Variants in SPAG8 observed in about 807,000 individuals in gnomAD.
SPAG8 encodes the protein sperm associated antigen 8.
In SPAG8, 36 loss-of-function variants were observed where a neutral mutation model predicts 45.3. The observed-to-expected ratio is 0.80, with a 90% CI of 0.61 to 1.05. The LOEUF (loss-of-function observed/expected upper bound fraction) is 1.05, where lower values mean the gene tolerates loss of function less well. Among genes scored for constraint, SPAG8 ranks in the 50% least tolerant of loss-of-function variants. The pLI is 0.00. For missense variants in SPAG8, 573 were observed against 609.2 expected (o/e 0.94, Z 0.63); for synonymous variants, 227 against 232.6 (o/e 0.98, Z 0.22).
In SPAG8 at chr9:35,810,792, A is replaced by G. The variant is rs1828748215; in HGVS notation, c.1039+91T>C. ...ACCTTGGGGTTCCGCCCTTATATCC[A>G]CTGGAGAATCCACAGCCCCACCAGA... On this transcript the variant is annotated intron_variant, in intron 3 of 6. Coordinates refer to ENST00000396638, the MANE Select transcript of SPAG8 (RefSeq NM_001039592.2). 4 of 1,595,042 alleles carry G rather than the reference A, an allele frequency of 2.5e-6. No homozygotes were observed. The Admixed American group carries it at 5.1e-5, about 20-fold the overall frequency.
chr9:35,810,174 A>G (rs770224768), intron 6 of SPAG8, 42 bp from the exon 7 acceptor site: 2 of 1,608,896 alleles, frequency 1.2e-6, no homozygotes, highest in Non-Finnish European at 1.7e-6. Flanking sequence ...ACTCTCCCCA[A>G]GCCAGAACAA....
downstream of SPAG8, chr9:35,809,105 C>T (rs773074622): frequency 6.6e-7 from 1 of 1,505,636 alleles, no homozygotes; most frequent in Non-Finnish European, 9.2e-7. The surrounding 1 kb of genome is among the most constrained non-coding windows in gnomAD (Gnocchi z 4.1). Flanking sequence ...TATTTGATTG[C>T]CTTTTCTTTG....
downstream of SPAG8, chr9:35,808,466 T>C (rs1444515842): frequency 6.2e-7 from 1 of 1,601,004 alleles, no homozygotes; most frequent in Non-Finnish European, 8.6e-7. The surrounding 1 kb of genome is among the most constrained non-coding windows in gnomAD (Gnocchi z 4.0). Context: ...CCCATCCCCA[T>C]GGATATAAAT....
At chr9:35,811,128 C>T in intron 2 of SPAG8, 54 bp downstream of exon 2, 2 of 1,562,890 alleles carry the variant, frequency 1.3e-6, no homozygotes, top group African/African-American at 2.7e-5. Flanking sequence ...ACTGCCTCCC[C>T]TAAGAAACTG....
downstream of SPAG8, chr9:35,808,747 T>A: frequency 6.2e-7 from 1 of 1,613,222 alleles, no homozygotes; most frequent in Non-Finnish European, 8.5e-7. The surrounding 1 kb of genome is among the most constrained non-coding windows in gnomAD (Gnocchi z 4.0). Flanking sequence ...ACCTGTTTCT[T>A]CTCAAAGGGC....
At chr9:35,809,623 G>T, downstream of SPAG8, 2 of 1,136,688 alleles carry the variant, frequency 1.8e-6, no homozygotes, top group Non-Finnish European at 2.7e-6. This position sits in a 1 kb window ranked among gnomAD's most constrained non-coding sequence, Gnocchi z 4.1. Context: ...ACATATACCT[G>T]TCCCTCTCTG....
At chr9:35,809,274 C>T (rs1399148983), downstream of SPAG8, 2 of 1,609,612 alleles carry the variant, frequency 1.2e-6, no homozygotes, top group Admixed American at 3.3e-5. The surrounding 1 kb of genome is among the most constrained non-coding windows in gnomAD (Gnocchi z 4.1). Context: ...GGGAGGGGGG[C>T]ATGGAAAGGG....
In SPAG8 at chr9:35,809,901, G is replaced by C. The variant is rs1828679804; in HGVS notation, c.*37C>G. 2 of 1,540,896 alleles carry C rather than the reference G, an allele frequency of 1.3e-6. No individual in the cohort carries two copies. Among genetic ancestry groups the C allele is most frequent in the Non-Finnish European group, 1.7e-6 (2 of 1,148,686 alleles). ...GACCTCTCTAGTGCAGACAGAAATA[G>C]ATTCCATATTCCATACCCCACTTCC... On this transcript the variant is annotated 3_prime_UTR_variant, in exon 7 of 7. Transcript: ENST00000396638. This position sits in a 1 kb window ranked among gnomAD's most constrained non-coding sequence, Gnocchi z 4.1.
chr9:35,807,884 A>G (rs1404535080), downstream of SPAG8, among the ~76,000 whole-genome samples: 8 of 152,194 alleles, frequency 5.3e-5, no homozygotes, highest in East Asian at 1.3e-3. Context: ...TAAGTCACAG[A>G]ATCTCCCTGA....
downstream of SPAG8, chr9:35,809,242 A>G: frequency 1.9e-6 from 3 of 1,613,874 alleles, no homozygotes; most frequent in Middle Eastern, 4.9e-4. The surrounding 1 kb of genome is among the most constrained non-coding windows in gnomAD (Gnocchi z 4.1). Flanking sequence ...GGATGTGGAA[A>G]TGAAGGTGAT....
chr9:35,810,702 T>G lies in SPAG8; in HGVS notation c.1040-20A>C, dbSNP rs1588078830. On this transcript the variant is annotated intron_variant, in intron 3 of 6. Coordinates refer to ENST00000396638, the MANE Select transcript of SPAG8 (RefSeq NM_001039592.2). The stretch of plus-strand genomic sequence containing the variant: ...GCTTCCCTGTGAGAGAGTTGGGGGG[T>G]GGGCAAGGTGGGGTCTGGTTAAGAA... 6.2e-7 allele frequency: 1 copy of G among 1,613,258 alleles called. No homozygotes were observed. Among genetic ancestry groups the G allele is most frequent in the East Asian group, 2.2e-5 (1 of 44,842 alleles).
Position 35,810,088 on chromosome 9 carries a change from G to T in SPAG8, c.1308C>A (p.Asn436Lys). 6.2e-7 allele frequency: 1 copy of T among 1,612,884 alleles called. No homozygotes were observed. Among genetic ancestry groups the T allele is most frequent in the East Asian group, 2.2e-5 (1 of 44,880 alleles). ...AGGGTACTGGTGTTGAGAAGCTGCA[G>T]TTCTTCCGGAATGGTGTGTCCAATG... ...IRTLDTPFRK[N>K]CSFSTPVPLS... Residue 436 changes from asparagine (N) to lysine (K), a missense_variant, in exon 7 of 7, where the codon AAC (asparagine) becomes AAA (lysine). Coordinates refer to ENST00000396638, the MANE Select transcript of SPAG8 (RefSeq NM_001039592.2).
downstream of SPAG8, chr9:35,808,262 G>A (rs531085460): frequency 8.7e-6 from 14 of 1,614,118 alleles, no homozygotes; most frequent in African/African-American, 1.5e-4. This position sits in a 1 kb window ranked among gnomAD's most constrained non-coding sequence, Gnocchi z 4.0. Context: ...CTGCAGACAG[G>A]GTGTTCATTC....
Position 35,809,887 on chromosome 9 carries a change from T to C in SPAG8, c.*51A>G, listed in dbSNP as rs1302310095. ...ATTAACTTCCTCCCGACCTCTCTAG[T>C]GCAGACAGAAATAGATTCCATATTC... On this transcript the variant is annotated 3_prime_UTR_variant, in exon 7 of 7. Transcript: ENST00000396638. This position sits in a 1 kb window ranked among gnomAD's most constrained non-coding sequence, Gnocchi z 4.1. 2.6e-6 allele frequency: 4 copies of C among 1,539,454 alleles called. No individual in the cohort carries two copies. The highest frequency in any genetic ancestry group is 3.5e-6 in the Non-Finnish European group (4 of 1,148,002).
chr9:35,809,090 C>T, downstream of SPAG8: 1 of 1,435,058 alleles, frequency 7.0e-7, no homozygotes, highest in Non-Finnish European at 9.8e-7. The surrounding 1 kb of genome is among the most constrained non-coding windows in gnomAD (Gnocchi z 4.1). Flanking sequence ...TACAGTATCA[C>T]CAATTATTTG....
downstream of SPAG8, chr9:35,808,092 T>C (rs1032242652): frequency 3.8e-6 from 4 of 1,041,438 alleles, no homozygotes; most frequent in Non-Finnish European, 6.0e-6. This position sits in a 1 kb window ranked among gnomAD's most constrained non-coding sequence, Gnocchi z 4.0. Flanking sequence ...TTTGGCACAA[T>C]TACCAAAATC....
downstream of SPAG8, chr9:35,807,975 A>G: frequency 1.7e-6 from 1 of 582,682 alleles, no homozygotes; most frequent in Non-Finnish European, 3.1e-6. Context: ...CATGTGGCAG[A>G]CTACTATTTA....
chr9:35,810,547 C>G lies in SPAG8; in HGVS notation c.1092G>C (p.Glu364Asp), dbSNP rs942912654. 6.2e-7 allele frequency: 1 copy of G among 1,614,156 alleles called. No individual in the cohort carries two copies. Among genetic ancestry groups the G allele is most frequent in the South Asian group, 1.1e-5 (1 of 91,078 alleles). The change falls in exon 5 of 7, where the codon GAG becomes GAC. Residue 364 changes from glutamate to aspartate, a missense_variant. Physicochemically the swap from Glu to Asp is conservative, Grantham distance 45. Transcript: ENST00000396638. ...EMLLQHQICKEVQAEQEPTRK... is the reference protein window; with the variant it reads ...EMLLQHQICKDVQAEQEPTRK... ...TTGTGGGTTCCTGTTCTGCCTGCAC[C>G]TCTTTACTATGTAGCCCGAGGGGTG...
chr9:35,810,526 G>A lies in SPAG8; in HGVS notation c.1113C>T (p.Pro371=), dbSNP rs1259637147. The A allele has an allele frequency of 1.2e-6, 2 of 1,614,144 alleles. No individual in the cohort carries two copies. The highest frequency in any genetic ancestry group is 2.2e-5 in the East Asian group (1 of 44,880). ...ICKEVQAEQE[P]TRKLFEVESV... ...ACTCAACCTCGAAGAGCTTCCTTGTGGGTTCCTGTTCTGCCTGCACCTCTT... is the reference window on the plus strand; with the variant it reads ...ACTCAACCTCGAAGAGCTTCCTTGTAGGTTCCTGTTCTGCCTGCACCTCTT... Residue 371 remains proline, a synonymous_variant, in exon 5 of 7, where the codon CCC becomes CCT. Coordinates refer to ENST00000396638, the MANE Select transcript of SPAG8 (RefSeq NM_001039592.2).
Sources: gnomAD v4.1 joint callset for allele counts (sites outside exome capture counted in the v4.1 genomes callset) on GRCh38, gnomAD v4.1.1 for gene constraint, Gnocchi (gnomAD v3.1) non-coding constraint, MANE v1.5 for transcripts, NCBI Gene and HGNC (gene_info 2026-07-23, HGNC 2026-07-21) for gene names.